Variants in RASAL2 observed in about 807,000 individuals in gnomAD.
RASAL2 encodes the protein RAS protein activator like 2.
In RASAL2, 58 loss-of-function variants were observed where a neutral mutation model predicts 128.9. That is an observed-to-expected ratio of 0.45 (90% CI 0.36 to 0.56). The LOEUF (loss-of-function observed/expected upper bound fraction) is 0.56. Among genes scored for constraint, RASAL2 ranks in the 20% least tolerant of loss-of-function variants. RASAL2 has a pLI of 0.00. For synonymous variants in RASAL2, 561 were observed against 580.8 expected, an observed-to-expected ratio of 0.97 and a Z score of 0.49; for missense variants, 1,360 against 1,601.6, an observed-to-expected ratio of 0.85 and a Z score of 2.57.
chr1:178,410,871 C>G (rs559630988), intron 4 of RASAL2, among the ~76,000 whole-genome samples: 17 of 152,144 alleles, frequency 1.1e-4, no homozygotes, highest in Non-Finnish European at 2.1e-4. Context: ...AAAAAAATAA[C>G]AGATGGTGAC....
chr1:178,383,504 A>G (rs1224790440), intron 3 of RASAL2, among the ~76,000 whole-genome samples: 1 of 152,124 alleles, frequency 6.6e-6, no homozygotes, highest in East Asian at 1.9e-4. Context: ...TTTCTTTATA[A>G]TATTTTTCTA....
intron 1 of RASAL2, among the ~76,000 whole-genome samples, chr1:178,224,385 C>T (rs1219783042): frequency 2.6e-5 from 4 of 151,840 alleles, no homozygotes; most frequent in Non-Finnish European, 4.4e-5. Flanking sequence ...AAATGAGAAG[C>T]GGTTGTGTAC....
At chr1:178,240,632 G>A (rs1189554418) in intron 1 of RASAL2, among the ~76,000 whole-genome samples, 1 of 151,494 alleles carries the variant, frequency 6.6e-6, no homozygotes, top group Non-Finnish European at 1.5e-5. Context: ...AGGATATTGG[G>A]AATTTATCTT....
chr1:178,399,288 G>T lies in RASAL2; in HGVS notation c.564+9082G>T, dbSNP rs556372464. 5.3e-5 allele frequency among the ~76,000 whole-genome samples: 8 copies of T among 152,032 alleles called. No individual in the cohort carries two copies. In the South Asian group the frequency reaches 1.7e-3, roughly 32 times the overall value. On this transcript the variant is annotated intron_variant, in intron 4 of 17. Coordinates refer to ENST00000367649, the MANE Select transcript of RASAL2 (RefSeq NM_170692.4). ...ACAACCCATGGTGTCTTGGAGCAGGGCTTGGTAAGGGTAGTCCTTGCCCCT... is the reference window on the plus strand; with the variant it reads ...ACAACCCATGGTGTCTTGGAGCAGGTCTTGGTAAGGGTAGTCCTTGCCCCT...
At chr1:178,403,334 C>G (rs1400975187) in intron 4 of RASAL2, among the ~76,000 whole-genome samples, 3 of 152,110 alleles carry the variant, frequency 2.0e-5, no homozygotes, top group African/African-American at 7.2e-5. Flanking sequence ...TAATCATTAT[C>G]AGCATTCTGC....
rs554658443 is a variant in RASAL2 at position 178,255,712 on chromosome 1, CTT to C, written c.203-27850_203-27849del. On this transcript the variant is annotated intron_variant, in intron 1 of 17. Transcript: ENST00000367649. ...AGCTTTTTTAAAAAATGAAAAATAA[CTT>C]TATTTAAATGTATTAGAAAATATTC... Among the ~76,000 whole-genome samples, 670 of 151,962 alleles carry C rather than the reference CTT, an allele frequency of 4.4e-3. 6 individuals carry two copies. The highest frequency in any genetic ancestry group is 0.013 in the African/African-American group (553 of 41,472).
chr1:178,138,204 G>A (rs2102323740), intron 1 of RASAL2, among the ~76,000 whole-genome samples: 1 of 152,254 alleles, frequency 6.6e-6, no homozygotes, highest in East Asian at 1.9e-4. Flanking sequence ...TGCACAGGGA[G>A]AATTGTTTGG....
intron 1 of RASAL2, among the ~76,000 whole-genome samples, chr1:178,126,041 T>A (rs1482981680): frequency 6.6e-6 from 1 of 152,242 alleles, no homozygotes; most frequent in Non-Finnish European, 1.5e-5. Flanking sequence ...TTCTGGGTAC[T>A]CAGAACTTAC....
rs187435596 is a variant in RASAL2 at position 178,150,455 on chromosome 1, G to A, written c.202+55761G>A. ...CCCGCCTTGGCCTCCCAAAGTGCTG[G>A]TATTACAGGCGTGATCCACTGCGCT... On this transcript the variant is annotated intron_variant, in intron 1 of 17. Transcript: ENST00000367649. 1.6e-3 allele frequency among the ~76,000 whole-genome samples: 249 copies of A among 152,206 alleles called. 1 individual carries two copies. Among genetic ancestry groups the A allele is most frequent in the African/African-American group, 5.9e-3 (243 of 41,538 alleles).
At chr1:178,178,592 G>A (rs1032728804) in intron 1 of RASAL2, among the ~76,000 whole-genome samples, 1 of 152,086 alleles carries the variant, frequency 6.6e-6, no homozygotes, top group African/African-American at 2.4e-5. Flanking sequence ...TATATACTAA[G>A]TTACCTATAT....
chr1:178,110,510 A>ATATATATACAC (rs1350226071), intron 1 of RASAL2, among the ~76,000 whole-genome samples: 79 of 147,598 alleles, frequency 5.4e-4, no homozygotes, highest in Non-Finnish European at 8.9e-4. Flanking sequence ...TATATATAGC[A>ATATATATACAC]TATATAGTGT....
At chr1:178,320,514 G>C (rs1246715779) in intron 3 of RASAL2, among the ~76,000 whole-genome samples, 1 of 151,992 alleles carries the variant, frequency 6.6e-6, no homozygotes, top group African/African-American at 2.4e-5. Context: ...TTTTTAAGCC[G>C]GTCTGAAAAG....
At chr1:178,103,125 C>T (rs143172334) in intron 1 of RASAL2, among the ~76,000 whole-genome samples, 186 of 152,168 alleles carry the variant, frequency 1.2e-3, no homozygotes, top group Non-Finnish European at 2.3e-3. Context: ...TATTTTTACA[C>T]GTATGATAAC....
intron 3 of RASAL2, among the ~76,000 whole-genome samples, chr1:178,346,691 G>A (rs1397413794): frequency 4.6e-5 from 7 of 152,114 alleles, no homozygotes; most frequent in African/African-American, 9.7e-5. Flanking sequence ...ATTTTTTAAA[G>A]TAGCTTTTTA....
intron 1 of RASAL2, among the ~76,000 whole-genome samples, chr1:178,279,091 C>T (rs756668072): frequency 5.0e-4 from 76 of 152,132 alleles, no homozygotes; most frequent in Non-Finnish European, 1.0e-3. Context: ...ATTTTGAATG[C>T]TGTTTTGAAA....
At chr1:178,376,084 G>A (rs889211316) in intron 3 of RASAL2, among the ~76,000 whole-genome samples, 6 of 152,076 alleles carry the variant, frequency 3.9e-5, no homozygotes, top group African/African-American at 1.4e-4. Flanking sequence ...GCGAATGACC[G>A]TAAATGTGGG....
intron 1 of RASAL2, among the ~76,000 whole-genome samples, chr1:178,230,205 G>A (rs1166536143): frequency 1.3e-5 from 2 of 152,042 alleles, no homozygotes; most frequent in African/African-American, 2.4e-5. Flanking sequence ...ACATTCTTTT[G>A]TGATGTACAT....
chr1:178,228,843 T>C (rs1663887318), intron 1 of RASAL2, among the ~76,000 whole-genome samples: 1 of 152,166 alleles, frequency 6.6e-6, no homozygotes, highest in African/African-American at 2.4e-5. Context: ...ATAAAATCTA[T>C]GAAGCAAGAT....
intron 1 of RASAL2, among the ~76,000 whole-genome samples, chr1:178,267,934 A>G (rs1666050960): frequency 6.6e-6 from 1 of 151,096 alleles, no homozygotes; most frequent in Non-Finnish European, 1.5e-5. Flanking sequence ...CATAGGTTGT[A>G]TTCCTCGTTG....
Sources: gnomAD v4.1 joint callset for allele counts (sites outside exome capture counted in the v4.1 genomes callset) on GRCh38, gnomAD v4.1.1 for gene constraint, MANE v1.5 for transcripts, NCBI Gene and HGNC (gene_info 2026-07-23, HGNC 2026-07-21) for gene names.